Variants in POLR2B observed in about 807,000 individuals in gnomAD.
POLR2B encodes the protein RNA polymerase II subunit B, also known as DNA-directed RNA polymerase II subunit RPB2.
POLR2B carries 57 observed loss-of-function variants against 144.6 expected under a neutral mutation model. The ratio of observed to expected loss-of-function variants is 0.39; its 90% CI spans 0.32 to 0.49. POLR2B has a LOEUF of 0.49. Ranked by LOEUF, POLR2B falls within the 20% of genes least tolerant of loss-of-function variation. POLR2B has a pLI of 0.83. For missense variants in POLR2B, 595 were observed against 1,467.4 expected, an observed-to-expected ratio of 0.41 and a Z score of 9.71; for synonymous variants, 442 against 469.8, an observed-to-expected ratio of 0.94 and a Z score of 0.77.
At chr4:57,027,201 G>T (rs1261888534) in intron 23 of POLR2B, among the ~76,000 whole-genome samples, 1 of 151,974 alleles carries the variant, frequency 6.6e-6, no homozygotes. Flanking sequence ...TAGAGCCAGG[G>T]TTTCACCATT....
In POLR2B at chr4:57,005,698, T is replaced by A; in HGVS notation, c.1196T>A (p.Leu399Gln). The stretch of plus-strand genomic sequence containing the variant: ...AAGAGATTGGATCTTGCTGGGCCGC[T>A]GCTTGCATTCTTATTTAGAGGGTAA... ...GNKRLDLAGP[L>Q]LAFLFRGMFK... Residue 399 changes from leucine to glutamine, a missense_variant, in exon 9 of 25, where the codon CTG (leucine) becomes CAG (glutamine). Around this residue, in one of 9 missense-constraint regions of POLR2B, gnomAD observed 251 missense variants for 567.3 expected, o/e 0.44. Coordinates refer to ENST00000314595, the MANE Select transcript of POLR2B (RefSeq NM_000938.3). 1 of 1,612,968 alleles carries A rather than the reference T, an allele frequency of 6.2e-7. No individual in the cohort carries two copies. The highest frequency in any genetic ancestry group is 8.5e-7 in the Non-Finnish European group (1 of 1,179,512).
rs565955229 is a variant in POLR2B, at chr4:56,996,704, C to T, written c.735+1295C>T. On this transcript the variant is annotated intron_variant, in intron 6 of 24. Coordinates refer to ENST00000314595, the MANE Select transcript of POLR2B (RefSeq NM_000938.3). ...TACCTGTCACCTCAAGAATGTTTTT[C>T]ATAATATTTTATTTGTAAGATAAGC... Among the ~76,000 whole-genome samples, 31 of 152,210 alleles carry T rather than the reference C, an allele frequency of 2.0e-4. No individual in the cohort carries two copies. In the South Asian group the frequency reaches 6.2e-3, roughly 31 times the overall value.
At chr4:57,014,476 T>C (rs1723301322) in intron 13 of POLR2B, among the ~76,000 whole-genome samples, 1 of 150,510 alleles carries the variant, frequency 6.6e-6, no homozygotes, top group Non-Finnish European at 1.5e-5. Context: ...ATTACTGGCA[T>C]GAGCCACCGT....
rs146736128 is a variant in POLR2B, at chr4:56,994,540, A to G, written c.356+24A>G. ...ACGTAAGAAAGAATTTTTCCTTGTCAGCAGTAGATACTGAAATAGAATTTT... is the reference window on the plus strand; with the variant it reads ...ACGTAAGAAAGAATTTTTCCTTGTCGGCAGTAGATACTGAAATAGAATTTT... On this transcript the variant is annotated intron_variant, in intron 4 of 24. Transcript: ENST00000314595. 4.7e-4 allele frequency: 698 copies of G among 1,472,012 alleles called. 6 individuals carry two copies. The African/African-American group carries it at 8.4e-3, about 18-fold the overall frequency. The allele number at this position is 1,472,012 out of a possible 1,614,324, so 91.2% of individuals were successfully genotyped here. A position where few individuals can be genotyped will look rare whatever the true frequency, so the allele number is the denominator to read the frequency against.
intron 16 of POLR2B, among the ~76,000 whole-genome samples, chr4:57,019,106 C>T (rs1723458836): frequency 6.6e-6 from 1 of 152,188 alleles, no homozygotes; most frequent in Non-Finnish European, 1.5e-5. Flanking sequence ...AAATCCTCCA[C>T]AAGGGGTTCC....
At chr4:56,990,109 G>A (rs886276678) in intron 2 of POLR2B, among the ~76,000 whole-genome samples, 6 of 151,992 alleles carry the variant, frequency 3.9e-5, no homozygotes, top group Admixed American at 1.3e-4. Flanking sequence ...ACTACCCTCC[G>A]TCCTATTCAA....
At position 57,024,181 on chromosome 4, in the gene POLR2B, C is replaced by T. The variant is rs878937608; in HGVS notation, c.2964+69C>T. 13 of 799,772 alleles carry T rather than the reference C, an allele frequency of 1.6e-5. No homozygotes were observed. The South Asian group carries it at 2.2e-4, about 14-fold the overall frequency. 49.5% of individuals were successfully genotyped at this position (799,772 alleles called of 1,614,324 possible). A position where few individuals can be genotyped will look rare whatever the true frequency, so the allele number is the denominator to read the frequency against. On this transcript the variant is annotated intron_variant, in intron 21 of 24. Transcript: ENST00000314595. ...CTTCTAAAACTCTGATAGGTGATTG[C>T]TCTCACATTTGAGCCAGGGTACTTT...
chr4:57,017,876 AG>A lies in POLR2B; in HGVS notation c.2323+150del. The A allele has an allele frequency of 1.7e-6, 1 of 581,532 alleles. No homozygotes were observed. The allele number at this position is 581,532 out of a possible 1,614,324, so 36.0% of individuals were successfully genotyped here. ...GGTGGGAAACATGAACATAATAAAA[AG>A]GTAGGTATGTGGAAAGTGTTTTGGT... On this transcript the variant is annotated intron_variant, in intron 16 of 24. Transcript: ENST00000314595. The surrounding 1 kb of genome is among the most constrained non-coding windows in gnomAD (Gnocchi z 4.8).
chr4:57,024,876 T>A lies in POLR2B; in HGVS notation c.2965-10T>A. The A allele has an allele frequency of 6.9e-7, 1 of 1,448,040 alleles. No individual in the cohort carries two copies. The highest frequency in any genetic ancestry group is 9.6e-7 in the Non-Finnish European group (1 of 1,041,046). 89.7% of individuals were successfully genotyped at this position (1,448,040 alleles called of 1,614,324 possible). On this transcript the variant is annotated splice_polypyrimidine_tract_variant and intron_variant, in intron 21 of 24. Transcript: ENST00000314595. ...AGCAACATTTTAAAGAGTACTTTTT[T>A]TTTTAAAAGGTATCGGCTAACAAGG...
At position 57,010,945 on chromosome 4, in the gene POLR2B, T is replaced by C. The variant is rs761135671; in HGVS notation, c.1689-44T>C. The C allele has an allele frequency of 3.5e-5, 56 of 1,594,260 alleles. No homozygotes were observed. In the South Asian group the frequency reaches 6.0e-4, roughly 17 times the overall value. On this transcript the variant is annotated intron_variant, in intron 12 of 24. Coordinates refer to ENST00000314595, the MANE Select transcript of POLR2B (RefSeq NM_000938.3). ...TAGTTAATCTTTAGTTGTTGCTTAG[T>C]ATAGAATTGTTAAGTGTAAAATGCT...
At chr4:57,005,578 C>CT in intron 8 of POLR2B, 22 bp from the exon 9 acceptor site, 2 of 1,478,050 alleles carry the variant, frequency 1.4e-6, no homozygotes, top group Non-Finnish European at 1.8e-6. Flanking sequence ...CTCTTTCTTT[C>CT]TTTCTTTTTT....
chr4:56,985,737 G>A (rs1264257056), intron 1 of POLR2B, among the ~76,000 whole-genome samples: 1 of 152,266 alleles, frequency 6.6e-6, no homozygotes, highest in Non-Finnish European at 1.5e-5. Context: ...AAGTGTTTTA[G>A]CAAACATGAC....
intron 3 of POLR2B, among the ~76,000 whole-genome samples, chr4:56,992,653 G>A (rs1234321628): frequency 3.4e-5 from 5 of 147,458 alleles, no homozygotes; most frequent in Admixed American, 1.4e-4. Context: ...TCCGCCTTCC[G>A]GGTTCACGCC....
At chr4:57,014,746 C>G (rs981437173) in intron 13 of POLR2B, among the ~76,000 whole-genome samples, 3 of 144,576 alleles carry the variant, frequency 2.1e-5, no homozygotes, top group African/African-American at 7.7e-5. Flanking sequence ...CCTCGTGATC[C>G]ATCCACCTCG....
At chr4:57,016,128 CACT>C (rs1177693194) in intron 14 of POLR2B, among the ~76,000 whole-genome samples, 3 of 152,160 alleles carry the variant, frequency 2.0e-5, no homozygotes, top group Non-Finnish European at 1.5e-5. Context: ...CAACCATCAC[CACT>C]ATCTTAATTT....
intron 14 of POLR2B, among the ~76,000 whole-genome samples, chr4:57,016,283 A>G (rs1179132581): frequency 6.6e-6 from 1 of 151,822 alleles, no homozygotes. Context: ...GTAGTGGCTC[A>G]TGCCTGTAAT....
intron 23 of POLR2B, among the ~76,000 whole-genome samples, chr4:57,030,002 T>C (rs894786315): frequency 1.3e-5 from 2 of 152,172 alleles, no homozygotes; most frequent in African/African-American, 4.8e-5. Context: ...GCCACTTTGC[T>C]TAGCCCATTT....
intron 2 of POLR2B, among the ~76,000 whole-genome samples, chr4:56,989,923 T>C (rs543829009): frequency 6.6e-6 from 1 of 152,304 alleles, no homozygotes; most frequent in Admixed American, 6.5e-5. Flanking sequence ...AAATATGATG[T>C]CTGCTTTTTA....
Position 57,017,414 on chromosome 4 carries a change from A to G in POLR2B, c.2155-146A>G. The G allele has an allele frequency of 2.5e-6, 2 of 785,482 alleles. No individual in the cohort carries two copies. The highest frequency in any genetic ancestry group is 4.1e-6 in the Non-Finnish European group (2 of 489,664). 48.7% of individuals were successfully genotyped at this position (785,482 alleles called of 1,614,324 possible). ...TTGTGTTTCATGGTTAAGAGCCGTA[A>G]TTGATTATTCCAAATGGTTATTACT... On this transcript the variant is annotated intron_variant, in intron 15 of 24. Transcript: ENST00000314595. This position sits in a 1 kb window ranked among gnomAD's most constrained non-coding sequence, Gnocchi z 4.8.
Sources: gnomAD v4.1 joint callset for allele counts (sites outside exome capture counted in the v4.1 genomes callset) on GRCh38, gnomAD v4.1.1 for gene constraint, gnomAD v4.1.1 regional missense constraint, Gnocchi (gnomAD v3.1) non-coding constraint, MANE v1.5 for transcripts, NCBI Gene and HGNC (gene_info 2026-07-23, HGNC 2026-07-21) for gene names.